KCNQ1OT1: variants seen among roughly 807,000 people sequenced by gnomAD.
KCNQ1OT1 encodes KCNQ1 antisense RNA 2 (non-protein coding).
rs1850344167 is a variant in KCNQ1OT1 at position 2,679,147 on chromosome 11, T to C, written n.20848A>G. ...GGCCAAAATGGTTTCATGGCATGAG[T>C]TGGGCAGCAGCGACTCAGTTTCCAT... is the stretch of plus-strand genomic sequence containing the variant. On this transcript the variant is annotated non_coding_transcript_exon_variant, in exon 1 of 1. Coordinates refer to ENST00000597346, the Ensembl canonical transcript of KCNQ1OT1. This position sits in a 1 kb window ranked among gnomAD's most constrained non-coding sequence, Gnocchi z 4.8. 6 of 398,574 alleles carry C rather than the reference T, an allele frequency of 1.5e-5. No homozygotes were observed. In the East Asian group the frequency reaches 1.8e-4, roughly 12 times the overall value. The allele number at this position is 398,574 out of a possible 1,614,324, so 24.7% of individuals were successfully genotyped here.
At position 2,620,595 on chromosome 11, in the gene KCNQ1OT1, G is replaced by A; in HGVS notation, n.79400C>T. On this transcript the variant is annotated non_coding_transcript_exon_variant, in exon 1 of 1. Coordinates refer to ENST00000597346, the Ensembl canonical transcript of KCNQ1OT1. The surrounding 1 kb of genome is among the most constrained non-coding windows in gnomAD (Gnocchi z 4.5). ...TTTCTTTATCCAATCCACCACTGAT[G>A]GGCATCTAAGTGGATTCCATGTCTT... 2.5e-6 allele frequency: 1 copy of A among 397,462 alleles called. No homozygotes were observed. Among genetic ancestry groups the A allele is most frequent in the East Asian group, 3.6e-5 (1 of 28,046 alleles). The allele number at this position is 397,462 out of a possible 1,614,324, so 24.6% of individuals were successfully genotyped here.
exon 1 of KCNQ1OT1, chr11:2,633,359 G>A (rs540086235): frequency 5.0e-6 from 2 of 398,432 alleles, no homozygotes; most frequent in Non-Finnish European, 8.8e-6. Context: ...CCTTTTATGT[G>A]TAGGTTTTTA....
At chr11:2,689,109 G>A (rs1850546165) in exon 1 of KCNQ1OT1, 2 of 398,786 alleles carry the variant, frequency 5.0e-6, no homozygotes, top group Non-Finnish European at 4.4e-6. Context: ...CTGGCCCAAG[G>A]CCTGCCCTGG....
At chr11:2,632,253 G>A in exon 1 of KCNQ1OT1, 1 of 395,226 alleles carries the variant, frequency 2.5e-6, no homozygotes, top group Non-Finnish European at 4.5e-6. Context: ...CTACTTTGCT[G>A]AATTAATTTA....
chr11:2,616,896 T>C (rs560831950), exon 1 of KCNQ1OT1: 2 of 398,222 alleles, frequency 5.0e-6, no homozygotes, highest in Non-Finnish European at 8.9e-6. Context: ...TCTAGTTGGT[T>C]TATGGTATTG....
chr11:2,630,513 A>T (rs2133815610), exon 1 of KCNQ1OT1: 2 of 398,352 alleles, frequency 5.0e-6, no homozygotes, highest in South Asian at 2.5e-4. Flanking sequence ...TGATGCCCCA[A>T]GGTACACCTT....
chr11:2,608,502 G>GTC lies in KCNQ1OT1; in HGVS notation n.91491_91492dup. The GTC allele has an allele frequency of 5.0e-6, 2 of 398,460 alleles. No individual in the cohort carries two copies. Among genetic ancestry groups the GTC allele is most frequent in the Non-Finnish European group, 8.8e-6 (2 of 226,044 alleles). The allele number at this position is 398,460 out of a possible 1,614,324, so 24.7% of individuals were successfully genotyped here. A position where few individuals can be genotyped will look rare whatever the true frequency, so the allele number is the denominator to read the frequency against. On this transcript the variant is annotated non_coding_transcript_exon_variant, in exon 1 of 1. Transcript: ENST00000597346. The surrounding 1 kb of genome is among the most constrained non-coding windows in gnomAD (Gnocchi z 4.6). ...TTTCCTTTTCTTTTTGAGAAACAGAGTCTCTCTCTGTTGCCCAGGCTGGAA... is the reference window on the plus strand; with the variant it reads ...TTTCCTTTTCTTTTTGAGAAACAGAGTCTCTCTCTCTGTTGCCCAGGCTGGAA...
chr11:2,666,702 C>T, exon 1 of KCNQ1OT1: 1 of 398,720 alleles, frequency 2.5e-6, no homozygotes, highest in Non-Finnish European at 4.4e-6. Context: ...TTGGAGACAT[C>T]CAGGTCCACT....
rs1849206301 is a variant in KCNQ1OT1 at position 2,623,391 on chromosome 11, C to G, written n.76604G>C. Reference sequence around the variant, plus strand: ...ATTTACATATATTTGTACATTTTCACTGCCCTAAAAGTACTCTGTGCACTG... The same window carrying G: ...ATTTACATATATTTGTACATTTTCAGTGCCCTAAAAGTACTCTGTGCACTG... On this transcript the variant is annotated non_coding_transcript_exon_variant, in exon 1 of 1. Transcript: ENST00000597346. The surrounding 1 kb of genome is among the most constrained non-coding windows in gnomAD (Gnocchi z 5.2). The G allele has an allele frequency of 2.5e-6, 1 of 398,472 alleles. No homozygotes were observed. Among genetic ancestry groups the G allele is most frequent in the African/African-American group, 2.1e-5 (1 of 48,620 alleles). The allele number at this position is 398,472 out of a possible 1,614,324, so 24.7% of individuals were successfully genotyped here.
exon 1 of KCNQ1OT1, chr11:2,628,208 C>A (rs759884578): frequency 8.0e-5 from 32 of 398,582 alleles, no homozygotes; most frequent in Non-Finnish European, 1.2e-4. Context: ...TAAAGAAAAT[C>A]TATCGTGTTT....
exon 1 of KCNQ1OT1, chr11:2,619,656 G>T (rs917009534): frequency 1.3e-5 from 5 of 396,484 alleles, no homozygotes; most frequent in Admixed American, 4.4e-5. Context: ...GCTCACCTGG[G>T]TATCAAGGTG....
exon 1 of KCNQ1OT1, chr11:2,637,335 C>T (rs1172995718): frequency 6.6e-6 from 1 of 152,166 alleles, no homozygotes; most frequent in Admixed American, 6.6e-5. Flanking sequence ...ATAAATTTCC[C>T]TCTACACACT....
At position 2,657,122 on chromosome 11, in the gene KCNQ1OT1, C is replaced by T. The variant is rs1403983941; in HGVS notation, n.42873G>A. ...CAATACCACATTGCCCTAATGACCA[C>T]TGCCTTGGAAGAAGTACTGATGTTT... On this transcript the variant is annotated non_coding_transcript_exon_variant, in exon 1 of 1. Transcript: ENST00000597346. This position sits in a 1 kb window ranked among gnomAD's most constrained non-coding sequence, Gnocchi z 4.8. 5.0e-6 allele frequency: 2 copies of T among 398,536 alleles called. No individual in the cohort carries two copies. The highest frequency in any genetic ancestry group is 8.8e-6 in the Non-Finnish European group (2 of 226,072). 24.7% of individuals were successfully genotyped at this position (398,536 alleles called of 1,614,324 possible).
exon 1 of KCNQ1OT1, chr11:2,656,736 C>T (rs1429159660): frequency 5.0e-6 from 2 of 398,420 alleles, no homozygotes; most frequent in Non-Finnish European, 8.8e-6. Flanking sequence ...TGTCAAATTA[C>T]TCAGTCTTCT....
At position 2,658,876 on chromosome 11, in the gene KCNQ1OT1, T is replaced by C. The variant is rs1256615012; in HGVS notation, n.41119A>G. 2 of 398,472 alleles carry C rather than the reference T, an allele frequency of 5.0e-6. No individual in the cohort carries two copies. The highest frequency in any genetic ancestry group is 4.4e-5 in the Admixed American group (1 of 22,710). 24.7% of individuals were successfully genotyped at this position (398,472 alleles called of 1,614,324 possible). On this transcript the variant is annotated non_coding_transcript_exon_variant, in exon 1 of 1. Transcript: ENST00000597346. The surrounding 1 kb of genome is among the most constrained non-coding windows in gnomAD (Gnocchi z 4.9). ...CCATTACCTACAGTTCATTTACTTA[T>C]TTGTGTAACCCTATTGTACACGTAG... is the stretch of plus-strand genomic sequence containing the variant.
exon 1 of KCNQ1OT1, chr11:2,699,601 G>C (rs1850745214): frequency 2.8e-6 from 1 of 352,092 alleles, no homozygotes; most frequent in Non-Finnish European, 5.1e-6. Flanking sequence ...GAACCGCGGC[G>C]AGAGGCCCCC....
chr11:2,653,135 C>T lies in KCNQ1OT1; in HGVS notation n.46860G>A. On this transcript the variant is annotated non_coding_transcript_exon_variant, in exon 1 of 1. Transcript: ENST00000597346. This position sits in a 1 kb window ranked among gnomAD's most constrained non-coding sequence, Gnocchi z 5.3. The stretch of plus-strand genomic sequence containing the variant: ...TTTGGGGAGATGAGGACTTGCATCA[C>T]AGCAGTAGAAAGCCAATGTCCCACC... 2.5e-6 allele frequency: 1 copy of T among 398,744 alleles called. No individual in the cohort carries two copies. Among genetic ancestry groups the T allele is most frequent in the Non-Finnish European group, 4.4e-6 (1 of 226,126 alleles). 24.7% of individuals were successfully genotyped at this position (398,744 alleles called of 1,614,324 possible).
chr11:2,618,072 C>T (rs1459227266), exon 1 of KCNQ1OT1: 1 of 398,378 alleles, frequency 2.5e-6, no homozygotes, highest in Non-Finnish European at 4.4e-6. Flanking sequence ...GTAGCCTGAG[C>T]TTTTGGTGTG....
At chr11:2,614,539 T>C (rs1202306244) in exon 1 of KCNQ1OT1, 3 of 398,398 alleles carry the variant, frequency 7.5e-6, no homozygotes, top group African/African-American at 4.1e-5. Context: ...CTCTGATACA[T>C]TTTGAGATAA....
Sources: gnomAD v4.1 joint callset for allele counts on GRCh38, gnomAD v4.1.1 for gene constraint, Gnocchi (gnomAD v3.1) non-coding constraint, MANE v1.5 for transcripts, NCBI Gene and HGNC (gene_info 2026-07-23, HGNC 2026-07-21) for gene names.